The following PLA2G4E variants were observed in gnomAD, a reference collection of about 807,000 sequenced individuals.
PLA2G4E encodes the protein cytosolic phospholipase A2 epsilon.
Under a neutral mutation model 109.1 loss-of-function variants are expected in PLA2G4E, and 84 were observed. The ratio of observed to expected loss-of-function variants is 0.77; its 90% CI spans 0.65 to 0.92. PLA2G4E has a LOEUF of 0.92. PLA2G4E is among the 40% of genes least tolerant of loss of function. The pLI is 0.00. For synonymous variants in PLA2G4E, 469 were observed against 436.1 expected (o/e 1.08, Z -0.94); for missense variants, 1,057 against 1,076.6 (o/e 0.98, Z 0.25).
chr15:41,982,637 C>A (rs1391754404), exon 20 of PLA2G4E: 1 of 152,362 alleles, frequency 6.6e-6, no homozygotes, highest in Non-Finnish European at 1.5e-5. Flanking sequence ...GAGTGGGCAG[C>A]GCTGGATGCA....
chr15:42,010,135 C>CG, intron 2 of PLA2G4E: 5 of 467,620 alleles, frequency 1.1e-5, no homozygotes, highest in Middle Eastern at 3.6e-4. Context: ...AACACTGGCC[C>CG]CCCCACCCCG....
intron 11 of PLA2G4E, among the ~76,000 whole-genome samples, chr15:41,996,571 G>A (rs908621499): frequency 1.3e-5 from 2 of 152,186 alleles, no homozygotes; most frequent in African/African-American, 4.8e-5. Context: ...AGGCGAGTGT[G>A]GGCCTTGGTC....
intron 1 of PLA2G4E, among the ~76,000 whole-genome samples, chr15:42,045,825 C>T (rs1889405880): frequency 6.6e-6 from 1 of 152,140 alleles, no homozygotes; most frequent in Admixed American, 6.5e-5. Flanking sequence ...AACAGATTTC[C>T]TCCTCAACTT....
At chr15:41,997,231 A>T (rs1479815665) in exon 11 of PLA2G4E, 8 of 1,549,574 alleles carry the variant, frequency 5.2e-6, no homozygotes, top group Non-Finnish European at 7.0e-6. Context: ...CACAGGCTGA[A>T]GCCCAGCCGC....
intron 1 of PLA2G4E, among the ~76,000 whole-genome samples, chr15:42,024,141 GCA>G (rs2068672993): frequency 6.5e-5 from 3 of 46,020 alleles, no homozygotes; most frequent in African/African-American, 5.1e-4. Context: ...TGGGAGGGGA[GCA>G]GAGCAGAGGA....
chr15:41,991,912 T>G (rs2068255206), intron 13 of PLA2G4E, among the ~76,000 whole-genome samples: 1 of 152,146 alleles, frequency 6.6e-6, no homozygotes, highest in Admixed American at 6.5e-5. Context: ...GGCACAGATG[T>G]CAGCTGAGCC....
chr15:42,005,084 C>G, intron 4 of PLA2G4E, 106 bp from the exon 5 acceptor site: 1 of 1,319,348 alleles, frequency 7.6e-7, no homozygotes, highest in Non-Finnish European at 1.1e-6. Context: ...CTCCGTCCTT[C>G]CCCCACAGCT....
rs1704348 is a variant in PLA2G4E at position 41,983,978 on chromosome 15, T to C, written c.2387-4A>G. 0.31 allele frequency: 489,444 copies of C among 1,597,426 alleles called. 83,676 individuals are homozygous for C. The highest frequency in any genetic ancestry group is 0.67 in the African/African-American group (49,904 of 74,622). On this transcript the variant is annotated splice_region_variant and splice_polypyrimidine_tract_variant and intron_variant, in intron 19 of 19. Coordinates refer to ENST00000399518, the Ensembl canonical transcript of PLA2G4E. ...TCCTCAGGGCTTCGCTCTACACCTG[T>C]GGGCAGCAGGATGACTTGTTATAGA...
chr15:42,034,037 C>T (rs537639554), intron 1 of PLA2G4E, among the ~76,000 whole-genome samples: 1 of 152,298 alleles, frequency 6.6e-6, no homozygotes, highest in African/African-American at 2.4e-5. Flanking sequence ...AGAGCACAGA[C>T]CTGACCCCCT....
chr15:42,042,322 G>T (rs1241191489), intron 1 of PLA2G4E, among the ~76,000 whole-genome samples: 1 of 152,098 alleles, frequency 6.6e-6, no homozygotes, highest in Non-Finnish European at 1.5e-5. Context: ...AAGACTGGAA[G>T]GAAGTATATT....
intron 1 of PLA2G4E, among the ~76,000 whole-genome samples, chr15:42,040,721 G>A (rs759780465): frequency 1.5e-4 from 23 of 152,200 alleles, no homozygotes; most frequent in Non-Finnish European, 2.6e-4. Flanking sequence ...GGCAATTAAT[G>A]GTAGTAATGT....
rs1313067092 is a variant in PLA2G4E at position 41,984,453 on chromosome 15, CG to C, written c.2368del (p.Arg790GlufsTer8). On this transcript the variant is annotated frameshift_variant, in exon 19 of 20. Transcript: ENST00000399518. LOFTEE classifies it high-confidence loss of function. ...CAGCTCACCTGGTGCCTTGTATTTT[CG>C]GAAAGTGTCATTGATGAGTGGGAAG... 1 of 1,612,790 alleles carries C rather than the reference CG, an allele frequency of 6.2e-7. No homozygotes were observed. The highest frequency in any genetic ancestry group is 8.5e-7 in the Non-Finnish European group (1 of 1,179,318).
chr15:42,013,882 GTTTTTTTTTT>G lies in PLA2G4E; in HGVS notation c.184-135_184-126del, dbSNP rs10539531. ...TTGCATTACAACAACCCCTAGGCTG[GTTTTTTTTTT>G]TTTTTTTTTTTTTTTTTTTACAGAG... On this transcript the variant is annotated intron_variant, in intron 1 of 19. Coordinates refer to ENST00000399518, the Ensembl canonical transcript of PLA2G4E. 9.2e-4 allele frequency: 123 copies of G among 134,298 alleles called. No homozygotes were observed. The East Asian group carries it at 0.02, about 22-fold the overall frequency. 8.3% of individuals were successfully genotyped at this position (134,298 alleles called of 1,614,324 possible). A position where few individuals can be genotyped will look rare whatever the true frequency, so the allele number is the denominator to read the frequency against.
chr15:42,041,188 C>T (rs1451938573), intron 1 of PLA2G4E, among the ~76,000 whole-genome samples: 1 of 152,186 alleles, frequency 6.6e-6, no homozygotes, highest in Non-Finnish European at 1.5e-5. Context: ...ATTTATTTTA[C>T]ACAAACACTT....
chr15:41,995,450 A>C, exon 12 of PLA2G4E: 1 of 1,613,994 alleles, frequency 6.2e-7, no homozygotes, highest in Non-Finnish European at 8.5e-7. Flanking sequence ...CATGGAGGTC[A>C]TGGATCTTGT....
chr15:41,991,999 G>A (rs1385256922), intron 13 of PLA2G4E, among the ~76,000 whole-genome samples: 4 of 152,202 alleles, frequency 2.6e-5, no homozygotes, highest in Non-Finnish European at 1.5e-5. Flanking sequence ...GGACCACCCT[G>A]TGCTGGGTAG....
intron 5 of PLA2G4E, among the ~76,000 whole-genome samples, chr15:42,003,366 C>T (rs113382289): frequency 0.045 from 6,833 of 152,306 alleles, 237 homozygotes; most frequent in South Asian, 0.16. Flanking sequence ...TCAAGTGATT[C>T]TCCTGCCTCA....
intron 16 of PLA2G4E, 27 bp downstream of exon 16, chr15:41,988,022 C>A: frequency 6.5e-7 from 1 of 1,537,220 alleles, no homozygotes; most frequent in Admixed American, 1.9e-5. Context: ...CATCACCCAG[C>A]CATGAGGGAA....
chr15:42,005,565 A>G, intron 4 of PLA2G4E, among the ~76,000 whole-genome samples: 1 of 152,188 alleles, frequency 6.6e-6, no homozygotes, highest in Non-Finnish European at 1.5e-5. Context: ...TCCAGCTCTG[A>G]CTGTCTCTGA....
Sources: allele counts gnomAD v4.1 joint callset (sites outside exome capture counted in the v4.1 genomes callset), GRCh38; gene constraint gnomAD v4.1.1; transcripts MANE v1.5; gene names NCBI Gene and HGNC (gene_info 2026-07-23, HGNC 2026-07-21).